Variants in CTDP1 observed in about 807,000 individuals in gnomAD.
CTDP1 encodes CTD phosphatase 1, also known as RNA polymerase II subunit A C-terminal domain phosphatase.
Under a neutral mutation model 91.8 loss-of-function variants are expected in CTDP1, and 47 were observed. That is an observed-to-expected ratio of 0.51 (90% CI 0.41 to 0.65). The LOEUF (loss-of-function observed/expected upper bound fraction) is 0.65. Ranked by LOEUF, CTDP1 falls within the 30% of genes least tolerant of loss-of-function variation. The pLI is 0.00. For missense variants in CTDP1, 1,272 were observed against 1,373.7 expected, an observed-to-expected ratio of 0.93 and a Z score of 1.17; for synonymous variants, 656 against 598.5, an observed-to-expected ratio of 1.10 and a Z score of -1.40.
chr18:79,742,030 A>G (rs1198287027), intron 12 of CTDP1, among the ~76,000 whole-genome samples: 1 of 152,214 alleles, frequency 6.6e-6, no homozygotes, highest in African/African-American at 2.4e-5. Context: ...GGAAGAGGAA[A>G]TGCCGGGAGC....
At chr18:79,742,618 T>G (rs1437632186) in intron 12 of CTDP1, among the ~76,000 whole-genome samples, 1 of 152,224 alleles carries the variant, frequency 6.6e-6, no homozygotes, top group Non-Finnish European at 1.5e-5. Flanking sequence ...TGCTTCTCCT[T>G]TATTCTCTTG....
downstream of CTDP1, chr18:79,755,581 G>C (rs1299939834): frequency 6.5e-6 from 1 of 152,694 alleles, no homozygotes; most frequent in Non-Finnish European, 1.5e-5. Context: ...CCTTGATGCT[G>C]TGTGGAGACC....
At chr18:79,741,753 G>T (rs1167336762) in intron 12 of CTDP1, among the ~76,000 whole-genome samples, 1 of 152,202 alleles carries the variant, frequency 6.6e-6, no homozygotes, top group African/African-American at 2.4e-5. Flanking sequence ...CCTCTTGTCC[G>T]TTTGGGAGGG....
chr18:79,695,459 C>T, intron 2 of CTDP1, 151 bp downstream of exon 2: 1 of 727,686 alleles, frequency 1.4e-6, no homozygotes, highest in Non-Finnish European at 2.5e-6. Context: ...ACGAGTCACA[C>T]TCAATGGGTT....
intron 10 of CTDP1, among the ~76,000 whole-genome samples, chr18:79,721,829 T>TA (rs1391361899): frequency 2.3e-4 from 21 of 91,682 alleles, no homozygotes; most frequent in African/African-American, 1.1e-3. Flanking sequence ...TTTTTATTTA[T>TA]TTTTTTTTTT....
At chr18:79,712,098 T>A (rs1330762039) in intron 6 of CTDP1, among the ~76,000 whole-genome samples, 1 of 133,740 alleles carries the variant, frequency 7.5e-6, no homozygotes, top group Non-Finnish European at 1.6e-5. Context: ...CCAGAGTGAG[T>A]AGATTAATCA....
Position 79,710,313 on chromosome 18 carries a change from G to A in CTDP1, c.773-33G>A, listed in dbSNP as rs757674191. The A allele has an allele frequency of 1.9e-6, 3 of 1,548,304 alleles. No homozygotes were observed. The South Asian group carries it at 3.3e-5, about 17-fold the overall frequency. On this transcript the variant is annotated intron_variant, in intron 5 of 12. Coordinates refer to ENST00000613122, the MANE Select transcript of CTDP1 (RefSeq NM_004715.5). ...GCCGTGTGACCGAAACGTGTCTCAGGTATGTAATCTTTGTCCTGTTTTCTT... is the reference window on the plus strand; with the variant it reads ...GCCGTGTGACCGAAACGTGTCTCAGATATGTAATCTTTGTCCTGTTTTCTT...
chr18:79,729,054 G>A lies in CTDP1; in HGVS notation c.2565G>A (p.Glu855=), dbSNP rs769896392. The change falls in exon 11 of 13, where the codon GAG becomes GAA. Residue 855 remains glutamate, a synonymous_variant. Coordinates refer to ENST00000613122, the MANE Select transcript of CTDP1 (RefSeq NM_004715.5). ...PLYTLCKEDL[E]SMDKEVDDIL... ...ACACTCTTTGTAAGGAGGATTTAGA[G>A]AGTATGGACAAAGAGGTGAGCCAAC... 1 of 1,613,460 alleles carries A rather than the reference G, an allele frequency of 6.2e-7. No individual in the cohort carries two copies. The highest frequency in any genetic ancestry group is 8.5e-7 in the Non-Finnish European group (1 of 1,180,024).
At position 79,695,592 on chromosome 18, in the gene CTDP1, G is replaced by T. The variant is rs367705546; in HGVS notation, c.398+284G>T. Among the ~76,000 whole-genome samples the T allele has an allele frequency of 4.6e-5, 7 of 152,338 alleles. No homozygotes were observed. In the East Asian group the frequency reaches 1.4e-3, roughly 29 times the overall value. On this transcript the variant is annotated intron_variant, in intron 2 of 12. Coordinates refer to ENST00000613122, the MANE Select transcript of CTDP1 (RefSeq NM_004715.5). Reference sequence around the variant, plus strand: ...TGACTGAAGACGCAGATCGCTGAGTGCCTGGAGCAGCCCCTCCCTCTGGGC... The same window carrying T: ...TGACTGAAGACGCAGATCGCTGAGTTCCTGGAGCAGCCCCTCCCTCTGGGC...
intron 1 of CTDP1, among the ~76,000 whole-genome samples, chr18:79,682,375 C>T (rs1263344671): frequency 6.6e-6 from 1 of 152,338 alleles, no homozygotes; most frequent in Non-Finnish European, 1.5e-5. Flanking sequence ...ATGGGAGTAG[C>T]GCCCTGCAGT....
chr18:79,721,508 T>G (rs2086344072), intron 10 of CTDP1, among the ~76,000 whole-genome samples: 1 of 152,168 alleles, frequency 6.6e-6, no homozygotes, highest in South Asian at 2.1e-4. Flanking sequence ...CTGCTGAGAT[T>G]TGGTTTCGAA....
intron 12 of CTDP1, among the ~76,000 whole-genome samples, chr18:79,749,437 A>G (rs1044595042): frequency 1.3e-5 from 2 of 151,678 alleles, no homozygotes; most frequent in Admixed American, 6.6e-5. Flanking sequence ...AGGAGGGGCC[A>G]GGGCTCCCTT....
intron 1 of CTDP1, among the ~76,000 whole-genome samples, chr18:79,691,067 C>T (rs1044572777): frequency 2.6e-5 from 4 of 152,192 alleles, no homozygotes; most frequent in South Asian, 2.1e-4. Flanking sequence ...GCTTCCTACT[C>T]GTCTGTCAAG....
intron 12 of CTDP1, among the ~76,000 whole-genome samples, 156 bp from the exon 13 acceptor site, chr18:79,753,496 G>A (rs1324640090): frequency 6.6e-6 from 1 of 152,260 alleles, no homozygotes; most frequent in African/African-American, 2.4e-5. Context: ...CGTGTGTGAC[G>A]TGGCCCTGGG....
intron 1 of CTDP1, among the ~76,000 whole-genome samples, chr18:79,690,434 C>T (rs2085596748): frequency 6.6e-6 from 1 of 152,164 alleles, no homozygotes; most frequent in African/African-American, 2.4e-5. Context: ...CGTTTTTGGG[C>T]TGAGCTCTTT....
chr18:79,696,342 G>A (rs561374278), intron 3 of CTDP1, among the ~76,000 whole-genome samples: 32 of 152,326 alleles, frequency 2.1e-4, no homozygotes, highest in African/African-American at 7.0e-4. Flanking sequence ...TGCTGCCGCC[G>A]CAGCTGTGAA....
intron 10 of CTDP1, among the ~76,000 whole-genome samples, chr18:79,727,484 G>T (rs963036260): frequency 6.6e-6 from 1 of 152,158 alleles, no homozygotes; most frequent in Non-Finnish European, 1.5e-5. Context: ...GCTTTCGCGG[G>T]GTGGGAAGCG....
At chr18:79,716,197 C>T (rs2086205178) in intron 8 of CTDP1, among the ~76,000 whole-genome samples, 1 of 152,226 alleles carries the variant, frequency 6.6e-6, no homozygotes, top group South Asian at 2.1e-4. Context: ...TTTTTCTCCT[C>T]CAATCTGCTT....
intron 4 of CTDP1, 39 bp from the exon 5 acceptor site, chr18:79,704,728 C>T (rs1487173204): frequency 2.5e-6 from 4 of 1,611,390 alleles, no homozygotes; most frequent in African/African-American, 2.7e-5. Context: ...CGGGGCTCCT[C>T]AGGCCTTTTC....
Sources: gnomAD v4.1 joint callset for allele counts (sites outside exome capture counted in the v4.1 genomes callset) on GRCh38, gnomAD v4.1.1 for gene constraint, MANE v1.5 for transcripts, NCBI Gene and HGNC (gene_info 2026-07-23, HGNC 2026-07-21) for gene names.